PRDM16: variants seen among roughly 807,000 people sequenced by gnomAD.
The protein encoded by PRDM16 is PR/SET domain 16, also known as histone-lysine N-methyltransferase PRDM16.
In PRDM16, 23 loss-of-function variants were observed where a neutral mutation model predicts 110.6. That is an observed-to-expected ratio of 0.21 (90% CI 0.15 to 0.29). The LOEUF (loss-of-function observed/expected upper bound fraction) is 0.29. PRDM16 is among the 10% of genes least tolerant of loss of function. PRDM16 has a pLI of 1.00. For missense variants in PRDM16, 1,615 were observed against 1,794.3 expected (o/e 0.90, Z 1.81); for synonymous variants, 799 against 781.8 (o/e 1.02, Z -0.37).
chr1:3,361,983 G>A (rs751858123), intron 3 of PRDM16, among the ~76,000 whole-genome samples: 13 of 152,150 alleles, frequency 8.5e-5, no homozygotes, highest in Non-Finnish European at 1.5e-4. Context: ...AGGAGGGCAG[G>A]TGGTGAGAAG....
chr1:3,187,267 TCA>T (rs1644281139), intron 2 of PRDM16, among the ~76,000 whole-genome samples: 2 of 152,114 alleles, frequency 1.3e-5, no homozygotes, highest in Non-Finnish European at 2.9e-5. Flanking sequence ...TCTGCCGGCC[TCA>T]CGCAGCCAAT....
intron 15 of PRDM16, 50 bp downstream of exon 15, chr1:3,431,158 T>C (rs1324133630): frequency 6.5e-7 from 1 of 1,530,550 alleles, no homozygotes; most frequent in Non-Finnish European, 8.8e-7. Flanking sequence ...AACGTGGGCG[T>C]CCATCACGAG....
intron 1 of PRDM16, among the ~76,000 whole-genome samples, chr1:3,180,954 G>T (rs905627141): frequency 8.9e-5 from 13 of 146,676 alleles, no homozygotes; most frequent in East Asian, 2.1e-4. Context: ...CCTTACACAC[G>T]CAGTCTTACA....
intron 1 of PRDM16, among the ~76,000 whole-genome samples, chr1:3,152,691 C>A (rs1432711060): frequency 1.3e-5 from 2 of 152,220 alleles, no homozygotes; most frequent in South Asian, 2.1e-4. Context: ...ATGTTGCCGT[C>A]CGTCGTCCAT....
intron 3 of PRDM16, among the ~76,000 whole-genome samples, chr1:3,328,592 C>T (rs1214613971): frequency 1.3e-5 from 2 of 152,090 alleles, no homozygotes; most frequent in Admixed American, 6.5e-5. Flanking sequence ...GCAGTGGATG[C>T]GGCTCCCATC....
In PRDM16 at chr1:3,390,558, A is replaced by G. The variant is rs577825054; in HGVS notation, c.573+5272A>G. Among the ~76,000 whole-genome samples the G allele has an allele frequency of 1.3e-5, 2 of 152,204 alleles. No homozygotes were observed. The highest frequency in any genetic ancestry group is 1.9e-4 in the East Asian group (1 of 5,148). ...CCTCCACAGAGTGTTCCGCGCAGGC[A>G]TTGTGTTAGAAGAGTGGCCGCCGGT... is the stretch of plus-strand genomic sequence containing the variant. On this transcript the variant is annotated intron_variant, in intron 4 of 16. Transcript: ENST00000270722. The surrounding 1 kb of genome is among the most constrained non-coding windows in gnomAD (Gnocchi z 5.0).
intron 2 of PRDM16, among the ~76,000 whole-genome samples, chr1:3,187,654 G>A (rs975360684): frequency 5.9e-5 from 9 of 152,254 alleles, no homozygotes; most frequent in African/African-American, 1.9e-4. Flanking sequence ...AGGCTGCCCC[G>A]CACGCTGCAG....
Position 3,396,583 on chromosome 1 carries a change from C to G in PRDM16, c.666C>G (p.Pro222=). The G allele has an allele frequency of 7.0e-6, 11 of 1,570,404 alleles. No homozygotes were observed. The East Asian group carries it at 1.8e-4, about 26-fold the overall frequency. ...EGVYPLGTVP[P]GLDEEPTFRC... ...TCTACCCCCTGGGCACAGTGCCGCC[C>G]GGCCTGGACGGTAAGACCCCTCCCC... The change falls in exon 5 of 17, where the codon CCC becomes CCG. Residue 222 remains proline (P), a synonymous_variant. Transcript: ENST00000270722.
intron 1 of PRDM16, among the ~76,000 whole-genome samples, chr1:3,117,226 C>T (rs761158217): frequency 2.6e-5 from 4 of 152,214 alleles, no homozygotes; most frequent in Non-Finnish European, 5.9e-5. Context: ...CCCAGGCTGA[C>T]CCAGGCTTAC....
At chr1:3,397,544 C>T (rs764582000) in intron 5 of PRDM16, among the ~76,000 whole-genome samples, 1 of 152,266 alleles carries the variant, frequency 6.6e-6, no homozygotes, top group Non-Finnish European at 1.5e-5. Flanking sequence ...CCGTCGGCTC[C>T]ACGCCGGTCC....
intron 3 of PRDM16, among the ~76,000 whole-genome samples, chr1:3,292,179 C>T (rs1051582821): frequency 1.3e-5 from 2 of 152,218 alleles, no homozygotes; most frequent in Non-Finnish European, 2.9e-5. Flanking sequence ...GAGGGGAGAG[C>T]AGGTTGAGCT....
intron 3 of PRDM16, among the ~76,000 whole-genome samples, chr1:3,310,942 GTGTC>G (rs747388098): frequency 1.3e-5 from 2 of 152,076 alleles, no homozygotes; most frequent in Non-Finnish European, 2.9e-5. Context: ...GTGTGCGTGT[GTGTC>G]TGTGAGACGT....
intron 12 of PRDM16, among the ~76,000 whole-genome samples, chr1:3,419,372 C>A (rs558609522): frequency 3.4e-4 from 52 of 152,334 alleles, no homozygotes; most frequent in African/African-American, 1.2e-3. Context: ...TCACACAGCT[C>A]ATCGGGATGG....
At chr1:3,360,316 G>C (rs1642689430) in intron 3 of PRDM16, among the ~76,000 whole-genome samples, 1 of 152,160 alleles carries the variant, frequency 6.6e-6, no homozygotes, top group African/African-American at 2.4e-5. Flanking sequence ...AAGTCTTCTA[G>C]GCTCTGCCTT....
intron 1 of PRDM16, among the ~76,000 whole-genome samples, chr1:3,156,112 G>A (rs1031587531): frequency 6.6e-6 from 1 of 152,154 alleles, no homozygotes; most frequent in Non-Finnish European, 1.5e-5. Flanking sequence ...CAGAGGAGAT[G>A]ACAAATATCC....
chr1:3,415,433 C>T (rs776373572), intron 10 of PRDM16, among the ~76,000 whole-genome samples: 2 of 152,258 alleles, frequency 1.3e-5, no homozygotes, highest in Non-Finnish European at 2.9e-5. Flanking sequence ...CGGCCTTCCC[C>T]GCCGTGGACG....
rs1557631485 is a variant in PRDM16, at chr1:3,358,870, C to A, written c.439-26282C>A. Among the ~76,000 whole-genome samples, 1 of 152,136 alleles carries A rather than the reference C, an allele frequency of 6.6e-6. No individual in the cohort carries two copies. The highest frequency in any genetic ancestry group is 1.5e-5 in the Non-Finnish European group (1 of 68,018). Reference sequence around the variant, plus strand: ...AAGCCATTTTGAGGAAAACAGACACCCCTCTTGGGCCGCAGAGGAGGTGGG... The same window carrying A: ...AAGCCATTTTGAGGAAAACAGACACACCTCTTGGGCCGCAGAGGAGGTGGG... On this transcript the variant is annotated intron_variant, in intron 3 of 16. Transcript: ENST00000270722. The surrounding 1 kb of genome is among the most constrained non-coding windows in gnomAD (Gnocchi z 4.0).
intron 4 of PRDM16, among the ~76,000 whole-genome samples, chr1:3,389,720 G>A (rs981403269): frequency 3.9e-5 from 6 of 152,234 alleles, no homozygotes; most frequent in African/African-American, 1.4e-4. Flanking sequence ...CGCTGCTCCT[G>A]AAGCGGCGCA....
intron 1 of PRDM16, among the ~76,000 whole-genome samples, chr1:3,085,721 C>T (rs1051651609): frequency 6.6e-6 from 1 of 152,216 alleles, no homozygotes; most frequent in Non-Finnish European, 1.5e-5. Flanking sequence ...GGGCTGCACT[C>T]AGGGTGGCCA....
Sources: allele counts gnomAD v4.1 joint callset (sites outside exome capture counted in the v4.1 genomes callset), GRCh38; gene constraint gnomAD v4.1.1; non-coding constraint Gnocchi (gnomAD v3.1); transcripts MANE v1.5; gene names NCBI Gene and HGNC (gene_info 2026-07-23, HGNC 2026-07-21).